Variants in GUCY1A1 observed in about 807,000 individuals in gnomAD.
GUCY1A1 encodes the protein guanylate cyclase 1 soluble subunit alpha 1, also known as guanylate cyclase soluble subunit alpha-1.
A neutral mutation model predicts 64.5 loss-of-function variants in GUCY1A1; 48 were observed. That is an observed-to-expected ratio of 0.74 (90% confidence interval 0.59 to 0.95). The LOEUF is 0.95. GUCY1A1 is among the 40% of genes least tolerant of loss of function. The pLI is 0.00. For missense variants in GUCY1A1, 804 were observed against 825.3 expected (o/e 0.97, Z 0.32); for synonymous variants, 308 against 303.4 (o/e 1.02, Z -0.16).
rs1735630514 is a variant in GUCY1A1, at chr4:155,732,207, T to C, written c.*1976T>C. ...ATTCAAAAAGTATTTTGTGTGTTTG[T>C]GATGTATTAGCATATACACAAAACA... On this transcript the variant is annotated 3_prime_UTR_variant, in exon 10 of 10. Coordinates refer to ENST00000506455, the MANE Select transcript of GUCY1A1 (RefSeq NM_001130682.3). 1 of 151,924 alleles carries C rather than the reference T, an allele frequency of 6.6e-6. No homozygotes were observed. Among genetic ancestry groups the C allele is most frequent in the East Asian group, 1.9e-4 (1 of 5,166 alleles). 9.4% of individuals were successfully genotyped at this position (151,924 alleles called of 1,614,324 possible).
At chr4:155,700,955 TG>T (rs1731005406) in intron 3 of GUCY1A1, among the ~76,000 whole-genome samples, 1 of 152,190 alleles carries the variant, frequency 6.6e-6, no homozygotes, top group South Asian at 2.1e-4. Context: ...GGAGCAGTCC[TG>T]AAGTGGTTGA....
At chr4:155,688,236 CAAACAAAA>C (rs1400711070) in intron 2 of GUCY1A1, among the ~76,000 whole-genome samples, 1 of 144,814 alleles carries the variant, frequency 6.9e-6, no homozygotes, top group Non-Finnish European at 1.5e-5. Context: ...AACAAACAAA[CAAACAAAA>C]AAAAAAAAAA....
At chr4:155,672,677 C>A (rs1734306481) in intron 2 of GUCY1A1, among the ~76,000 whole-genome samples, 1 of 152,148 alleles carries the variant, frequency 6.6e-6, no homozygotes, top group Admixed American at 6.6e-5. Context: ...TGTTTTTAAT[C>A]ATCTCTTTGG....
rs1477831697 is a variant in GUCY1A1, at chr4:155,731,782, G to C, written c.*1551G>C. On this transcript the variant is annotated 3_prime_UTR_variant, in exon 10 of 10. Transcript: ENST00000506455. Reference sequence around the variant, plus strand: ...TTTAACTGCCTCCCTTAGTACCCAGGCTAGCCCATGGTGACATCAGGGATA... The same window carrying C: ...TTTAACTGCCTCCCTTAGTACCCAGCCTAGCCCATGGTGACATCAGGGATA... 5 of 151,626 alleles carry C rather than the reference G, an allele frequency of 3.3e-5. No homozygotes were observed. The highest frequency in any genetic ancestry group is 7.4e-5 in the Non-Finnish European group (5 of 67,830). 9.4% of individuals were successfully genotyped at this position (151,626 alleles called of 1,614,324 possible).
chr4:155,674,958 G>T lies in GUCY1A1; in HGVS notation c.-113+7539G>T, dbSNP rs533946122. ...GGCAGCACAGTAGGTTTGCCTGCAC[G>T]AACATCTCCACGAGCATTTCAGTTA... On this transcript the variant is annotated intron_variant, in intron 2 of 9. Coordinates refer to ENST00000506455, the MANE Select transcript of GUCY1A1 (RefSeq NM_001130682.3). Among the ~76,000 whole-genome samples, 152 of 151,546 alleles carry T rather than the reference G, an allele frequency of 1.0e-3. 4 individuals carry two copies. Among genetic ancestry groups the T allele is most frequent in the African/African-American group, 3.5e-3 (144 of 40,858 alleles).
rs1735347382 is a variant in GUCY1A1 at position 155,730,045 on chromosome 4, T to C, written c.1887T>C (p.Cys629=). ...SPTTYRLLKD[C]PGFVFTPRSR... ...ATATTTTCAGATTACTCAAAGACTG[T>C]CCTGGTTTCGTGTTTACCCCTCGAT... The change falls in exon 10 of 10, where the codon TGT becomes TGC. Residue 629 remains cysteine, a synonymous_variant. Coordinates refer to ENST00000506455, the MANE Select transcript of GUCY1A1 (RefSeq NM_001130682.3). The C allele has an allele frequency of 1.2e-6, 2 of 1,601,852 alleles. No homozygotes were observed. Among genetic ancestry groups the C allele is most frequent in the South Asian group, 1.1e-5 (1 of 90,806 alleles).
intron 8 of GUCY1A1, among the ~76,000 whole-genome samples, chr4:155,717,791 A>C (rs1033011353): frequency 1.3e-5 from 2 of 152,168 alleles, no homozygotes; most frequent in African/African-American, 4.8e-5. Context: ...TGGACTCTCT[A>C]CTAAGCATGC....
chr4:155,727,711 A>G (rs1433223128), intron 9 of GUCY1A1, among the ~76,000 whole-genome samples: 7 of 151,746 alleles, frequency 4.6e-5, no homozygotes, highest in Non-Finnish European at 1.0e-4. Context: ...TCATGTAGCC[A>G]ATACTAATAT....
intron 2 of GUCY1A1, among the ~76,000 whole-genome samples, chr4:155,674,411 G>A (rs13123298): frequency 6.6e-6 from 1 of 150,964 alleles, no homozygotes; most frequent in African/African-American, 2.5e-5. Context: ...GTGCTATCAT[G>A]AGCCTACTTG....
chr4:155,673,109 C>T (rs1734374626), intron 2 of GUCY1A1, among the ~76,000 whole-genome samples: 1 of 146,748 alleles, frequency 6.8e-6, no homozygotes, highest in Non-Finnish European at 1.5e-5. Context: ...ATTATCACCA[C>T]TTTATCTGGC....
chr4:155,686,763 C>T (rs545577459), intron 2 of GUCY1A1, among the ~76,000 whole-genome samples: 6 of 152,138 alleles, frequency 3.9e-5, no homozygotes, highest in African/African-American at 1.2e-4. Context: ...TTTGGCTTAA[C>T]GAGTAGAAAA....
chr4:155,672,102 G>A (rs138847158), intron 2 of GUCY1A1, among the ~76,000 whole-genome samples: 5 of 150,646 alleles, frequency 3.3e-5, no homozygotes, highest in Non-Finnish European at 5.9e-5. Context: ...TTTCCCCATC[G>A]AATTTTATGT....
At position 155,700,532 on chromosome 4, in the gene GUCY1A1, G is replaced by A. The variant is rs189785610; in HGVS notation, c.256-3400G>A. ...GTTGCATCAAATAGCAGTTTTTCCT[G>A]AAGTATTCATATATGGTATATTTGT... On this transcript the variant is annotated intron_variant, in intron 3 of 9. Coordinates refer to ENST00000506455, the MANE Select transcript of GUCY1A1 (RefSeq NM_001130682.3). Among the ~76,000 whole-genome samples the A allele has an allele frequency of 2.1e-3, 321 of 152,216 alleles. 1 individual carries two copies. The highest frequency in any genetic ancestry group is 2.0e-3 in the Non-Finnish European group (134 of 68,004).
At chr4:155,668,417 T>G (rs1560902933) in intron 2 of GUCY1A1, among the ~76,000 whole-genome samples, 2 of 152,250 alleles carry the variant, frequency 1.3e-5, no homozygotes, top group Non-Finnish European at 2.9e-5. Context: ...GACAGATTTT[T>G]TTTTCTTTCA....
intron 2 of GUCY1A1, among the ~76,000 whole-genome samples, chr4:155,681,221 C>T (rs937170496): frequency 6.6e-6 from 1 of 152,098 alleles, no homozygotes; most frequent in African/African-American, 2.4e-5. Flanking sequence ...CACTTGTTCT[C>T]ATTATTAGTG....
chr4:155,716,195 A>G (rs1032432124), intron 7 of GUCY1A1, among the ~76,000 whole-genome samples: 3 of 152,204 alleles, frequency 2.0e-5, no homozygotes, highest in Non-Finnish European at 2.9e-5. Context: ...AGACAGGTAA[A>G]GAAGAAATCT....
intron 2 of GUCY1A1, among the ~76,000 whole-genome samples, chr4:155,694,475 T>G (rs984859071): frequency 3.9e-5 from 6 of 152,218 alleles, no homozygotes; most frequent in African/African-American, 1.4e-4. Flanking sequence ...CTAGAGGAGA[T>G]GAGGAAATAA....
At position 155,695,528 on chromosome 4, in the gene GUCY1A1, G is replaced by A. The variant is rs569162988; in HGVS notation, c.-112-1228G>A. Among the ~76,000 whole-genome samples the A allele has an allele frequency of 3.3e-4, 50 of 152,276 alleles. 1 individual carries two copies. Among genetic ancestry groups the A allele is most frequent in the African/African-American group, 1.2e-3 (48 of 41,560 alleles). On this transcript the variant is annotated intron_variant, in intron 2 of 9. Transcript: ENST00000506455. ...AAGTTGATTAACAAAGCCCGATTGT[G>A]TAGAAACTGCTCTAATTTAGTAATA... is the stretch of plus-strand genomic sequence containing the variant.
At chr4:155,680,601 C>T (rs1735595209) in intron 2 of GUCY1A1, among the ~76,000 whole-genome samples, 1 of 152,034 alleles carries the variant, frequency 6.6e-6, no homozygotes, top group Admixed American at 6.6e-5. Context: ...TAATAGCTTA[C>T]TGGTGACTGG....
Sources: allele counts gnomAD v4.1 joint callset (sites outside exome capture counted in the v4.1 genomes callset), GRCh38; gene constraint gnomAD v4.1.1; transcripts MANE v1.5; gene names NCBI Gene and HGNC (gene_info 2026-07-23, HGNC 2026-07-21).